The following PPP2R2A variants were observed in gnomAD, a reference collection of about 807,000 sequenced individuals.
PPP2R2A encodes protein phosphatase 2 regulatory subunit Balpha, also known as serine/threonine-protein phosphatase 2A 55 kDa regulatory subunit B alpha isoform.
PPP2R2A carries 9 observed loss-of-function variants against 53.2 expected under a neutral mutation model. The observed-to-expected ratio is 0.17, with a 90% confidence interval of 0.10 to 0.30. PPP2R2A has a LOEUF of 0.30. PPP2R2A is among the 10% of genes least tolerant of loss of function. The pLI is 1.00. For missense variants in PPP2R2A, 235 were observed against 534.6 expected (o/e 0.44, Z 5.53); for synonymous variants, 169 against 174.2 (o/e 0.97, Z 0.23).
intron 4 of PPP2R2A, among the ~76,000 whole-genome samples, chr8:26,357,989 T>C (rs1804880852): frequency 6.6e-6 from 1 of 152,090 alleles, no homozygotes; most frequent in African/African-American, 2.4e-5. Context: ...GGTAATAAAA[T>C]ATCACTGCTG....
intron 2 of PPP2R2A, among the ~76,000 whole-genome samples, chr8:26,312,916 A>G (rs1030977368): frequency 1.3e-5 from 2 of 152,192 alleles, no homozygotes; most frequent in African/African-American, 4.8e-5. Flanking sequence ...ATAAAAGTCC[A>G]TATTTCAAAA....
chr8:26,355,458 G>T (rs1433177903), intron 4 of PPP2R2A, among the ~76,000 whole-genome samples: 3 of 152,074 alleles, frequency 2.0e-5, no homozygotes, highest in South Asian at 4.1e-4. Context: ...TGCTCAGGCT[G>T]GTCTTGAATT....
rs1804661721 is a variant in PPP2R2A at position 26,354,227 on chromosome 8, A to G, written c.181-241A>G. Reference sequence around the variant, plus strand: ...TAGCAATCAAATTGATCCATATTTAACGTCATTATTTCCCTAATGAATTGA... The same window carrying G: ...TAGCAATCAAATTGATCCATATTTAGCGTCATTATTTCCCTAATGAATTGA... On this transcript the variant is annotated intron_variant, in intron 3 of 9. Coordinates refer to ENST00000380737, the MANE Select transcript of PPP2R2A (RefSeq NM_002717.4). The surrounding 1 kb of genome is among the most constrained non-coding windows in gnomAD (Gnocchi z 4.6). 6.6e-6 allele frequency among the ~76,000 whole-genome samples: 1 copy of G among 152,194 alleles called. No individual in the cohort carries two copies. The highest frequency in any genetic ancestry group is 2.4e-5 in the African/African-American group (1 of 41,442).
chr8:26,343,411 G>C (rs574681182), intron 3 of PPP2R2A, among the ~76,000 whole-genome samples: 3 of 146,272 alleles, frequency 2.1e-5, no homozygotes, highest in Admixed American at 6.8e-5. Context: ...TCACTCTGTT[G>C]CCCAGGCTGG....
Position 26,360,747 on chromosome 8 carries a change from A to C in PPP2R2A, c.460-227A>C. 2.2e-6 allele frequency: 1 copy of C among 456,270 alleles called. No individual in the cohort carries two copies. The highest frequency in any genetic ancestry group is 3.8e-6 in the Non-Finnish European group (1 of 263,612). The allele number at this position is 456,270 out of a possible 1,614,324, so 28.3% of individuals were successfully genotyped here. A position where few individuals can be genotyped will look rare whatever the true frequency, so the allele number is the denominator to read the frequency against. On this transcript the variant is annotated intron_variant, in intron 5 of 9. Coordinates refer to ENST00000380737, the MANE Select transcript of PPP2R2A (RefSeq NM_002717.4). The surrounding 1 kb of genome is among the most constrained non-coding windows in gnomAD (Gnocchi z 4.5). ...CAAAATATTGAAACTAAGAACTGCA[A>C]ATTCTAATAGTATTGCAACCAGTAA...
At chr8:26,308,532 A>G (rs1315076112) in intron 2 of PPP2R2A, among the ~76,000 whole-genome samples, 2 of 152,240 alleles carry the variant, frequency 1.3e-5, no homozygotes, top group African/African-American at 4.8e-5. Flanking sequence ...ATTTTCTTTA[A>G]AAAGAAACTG....
At chr8:26,334,007 A>AC (rs896912175) in intron 2 of PPP2R2A, among the ~76,000 whole-genome samples, 2 of 141,232 alleles carry the variant, frequency 1.4e-5, no homozygotes, top group African/African-American at 5.6e-5. Context: ...ACATTACATT[A>AC]CTTTTTTTTT....
intron 2 of PPP2R2A, among the ~76,000 whole-genome samples, chr8:26,332,988 T>A (rs1463663014): frequency 6.6e-6 from 1 of 152,234 alleles, no homozygotes; most frequent in Non-Finnish European, 1.5e-5. Flanking sequence ...TCTAATTTGT[T>A]TTTCTATACA....
intron 2 of PPP2R2A, among the ~76,000 whole-genome samples, chr8:26,323,024 A>G (rs757048046): frequency 6.6e-6 from 1 of 152,184 alleles, no homozygotes; most frequent in Non-Finnish European, 1.5e-5. Context: ...GTCTTTGCCT[A>G]GCTTCCAGAA....
chr8:26,319,606 GAA>G (rs888464938), intron 2 of PPP2R2A, among the ~76,000 whole-genome samples: 1 of 151,386 alleles, frequency 6.6e-6, no homozygotes, highest in African/African-American at 2.4e-5. Context: ...CTCATGTTTT[GAA>G]AAGACTGTAC....
intron 1 of PPP2R2A, chr8:26,292,116 T>C (rs1381484126): frequency 3.9e-5 from 48 of 1,232,076 alleles, no homozygotes; most frequent in Non-Finnish European, 4.5e-5. Context: ...TGGGGGTGCG[T>C]GCAGATTTGT....
In PPP2R2A at chr8:26,321,839, C is replaced by T. The variant is rs1043040715; in HGVS notation, c.83-17051C>T. On this transcript the variant is annotated intron_variant, in intron 2 of 9. Transcript: ENST00000380737. This position sits in a 1 kb window ranked among gnomAD's most constrained non-coding sequence, Gnocchi z 4.1. ...TTGTTTTAAGCTGCTACCTTTGGGA[C>T]AATTTTTAAGGCAGCAATAGAGAAC... is the stretch of plus-strand genomic sequence containing the variant. Among the ~76,000 whole-genome samples the T allele has an allele frequency of 1.1e-4, 16 of 152,198 alleles. No individual in the cohort carries two copies. The highest frequency in any genetic ancestry group is 4.4e-5 in the Non-Finnish European group (3 of 68,024).
intron 2 of PPP2R2A, among the ~76,000 whole-genome samples, chr8:26,296,001 G>T (rs1286425791): frequency 6.6e-6 from 1 of 151,350 alleles, no homozygotes; most frequent in African/African-American, 2.4e-5. Flanking sequence ...CATTTTGATT[G>T]TCTCCATATT....
rs202240879 is a variant in PPP2R2A at position 26,371,355 on chromosome 8, G to GTTTTTTTTTTTTTTTTTTTTT, written c.*959_*960insTTTTTTTTTTTTTTTTTTTTT. On this transcript the variant is annotated 3_prime_UTR_variant, in exon 10 of 10. Transcript: ENST00000380737. Reference sequence around the variant, plus strand: ...ATTTCACAATCTATAAATGCTACTAGTTTTTTTTTTTTTTTTTACCATCAT... The same window carrying GTTTTTTTTTTTTTTTTTTTTT: ...ATTTCACAATCTATAAATGCTACTAGTTTTTTTTTTTTTTTTTTTTTTTTTTTTTTTTTTTTTTACCATCAT... The GTTTTTTTTTTTTTTTTTTTTT allele has an allele frequency of 7.2e-6, 1 of 139,234 alleles. No individual in the cohort carries two copies. Among genetic ancestry groups the GTTTTTTTTTTTTTTTTTTTTT allele is most frequent in the Non-Finnish European group, 1.6e-5 (1 of 64,450 alleles). The allele number at this position is 139,234 out of a possible 1,614,324, so 8.6% of individuals were successfully genotyped here.
chr8:26,311,282 A>C (rs1802280683), intron 2 of PPP2R2A, among the ~76,000 whole-genome samples: 1 of 152,224 alleles, frequency 6.6e-6, no homozygotes, highest in Admixed American at 6.5e-5. Flanking sequence ...AGTTGATAGC[A>C]GAAGAATAAA....
chr8:26,369,393 A>G (rs1563330346), intron 9 of PPP2R2A, among the ~76,000 whole-genome samples: 1 of 143,394 alleles, frequency 7.0e-6, no homozygotes, highest in Non-Finnish European at 1.5e-5. Flanking sequence ...CACCCAGCTA[A>G]TTTTTTTTTT....
intron 2 of PPP2R2A, among the ~76,000 whole-genome samples, chr8:26,312,792 C>T (rs964164344): frequency 1.3e-5 from 2 of 152,080 alleles, no homozygotes; most frequent in Non-Finnish European, 2.9e-5. Context: ...GCTTCCTTAC[C>T]CTTGAGGCAC....
At chr8:26,348,325 G>C (rs1419045511) in intron 3 of PPP2R2A, among the ~76,000 whole-genome samples, 1 of 152,148 alleles carries the variant, frequency 6.6e-6, no homozygotes, top group African/African-American at 2.4e-5. Context: ...TACAGGTTGA[G>C]CATTCCTAAC....
intron 2 of PPP2R2A, among the ~76,000 whole-genome samples, chr8:26,331,639 G>A (rs913535087): frequency 1.1e-4 from 16 of 152,164 alleles, no homozygotes; most frequent in African/African-American, 3.9e-4. Context: ...CTTGACGAGA[G>A]CATTTTCTTC....
Sources: gnomAD v4.1 joint callset for allele counts (sites outside exome capture counted in the v4.1 genomes callset) on GRCh38, gnomAD v4.1.1 for gene constraint, Gnocchi (gnomAD v3.1) non-coding constraint, MANE v1.5 for transcripts, NCBI Gene and HGNC (gene_info 2026-07-23, HGNC 2026-07-21) for gene names.